PARP8: variants seen among roughly 807,000 people sequenced by gnomAD.
PARP8 encodes the protein protein mono-ADP-ribosyltransferase PARP8.
In PARP8, 51 loss-of-function variants were observed where a neutral mutation model predicts 124.1. The observed-to-expected ratio is 0.41, with a 90% confidence interval of 0.33 to 0.52. The LOEUF (loss-of-function observed/expected upper bound fraction) is 0.52. Among genes scored for constraint, PARP8 ranks in the 20% least tolerant of loss-of-function variants. The pLI is 0.21. For missense variants in PARP8, 860 were observed against 1,018.9 expected (o/e 0.84, Z 2.12); for synonymous variants, 391 against 361.5 (o/e 1.08, Z -0.93).
At chr5:50,758,944 G>A (rs1321286497) in intron 3 of PARP8, among the ~76,000 whole-genome samples, 11 of 152,150 alleles carry the variant, frequency 7.2e-5, no homozygotes. Context: ...AATGCATGTA[G>A]CTAATTTAAT....
chr5:50,768,867 G>A (rs987351759), intron 7 of PARP8, among the ~76,000 whole-genome samples: 11 of 152,064 alleles, frequency 7.2e-5, no homozygotes, highest in Admixed American at 2.6e-4. Context: ...TATAAAAAGG[G>A]CATCACAACG....
chr5:50,687,992 C>T (rs759180355), intron 2 of PARP8, among the ~76,000 whole-genome samples: 2 of 152,136 alleles, frequency 1.3e-5, no homozygotes, highest in Non-Finnish European at 2.9e-5. Context: ...GCTGGGACTA[C>T]AGATGTGTGC....
intron 17 of PARP8, 41 bp from the exon 18 acceptor site, chr5:50,824,867 A>T: frequency 6.5e-7 from 1 of 1,549,060 alleles, no homozygotes; most frequent in Non-Finnish European, 8.9e-7. Flanking sequence ...GGAAAAATGA[A>T]TTTTTATGAA....
chr5:50,843,783 A>G lies in PARP8; in HGVS notation c.*1715A>G, dbSNP rs1004994068. ...GCTACTTTTTTGCCAAGATGCTGCA[A>G]GTCTCCCAAATCACTTCAACTGTGT... On this transcript the variant is annotated 3_prime_UTR_variant, in exon 26 of 26. Transcript: ENST00000281631. The G allele has an allele frequency of 6.6e-6, 1 of 151,796 alleles. No individual in the cohort carries two copies. Among genetic ancestry groups the G allele is most frequent in the African/African-American group, 2.4e-5 (1 of 41,402 alleles). The allele number at this position is 151,796 out of a possible 1,614,324, so 9.4% of individuals were successfully genotyped here.
chr5:50,739,636 A>G (rs1469306735), intron 2 of PARP8, among the ~76,000 whole-genome samples: 1 of 150,552 alleles, frequency 6.6e-6, no homozygotes, highest in Non-Finnish European at 1.5e-5. Context: ...TCTCCTGGTT[A>G]TAAAATAATT....
intron 2 of PARP8, among the ~76,000 whole-genome samples, chr5:50,675,108 T>G (rs1236850222): frequency 1.3e-5 from 2 of 152,224 alleles, no homozygotes; most frequent in African/African-American, 4.8e-5. Context: ...AATATTAATT[T>G]TAGAGGGAGA....
At chr5:50,693,820 ACAAT>A (rs925593467) in intron 2 of PARP8, among the ~76,000 whole-genome samples, 11 of 151,464 alleles carry the variant, frequency 7.3e-5, no homozygotes, top group Non-Finnish European at 1.5e-4. Flanking sequence ...ATTAAATTAT[ACAAT>A]CAATTATTAA....
At chr5:50,784,177 G>A (rs942583605) in intron 9 of PARP8, among the ~76,000 whole-genome samples, 8 of 152,000 alleles carry the variant, frequency 5.3e-5, no homozygotes, top group Admixed American at 3.3e-4. Context: ...TTTTGAAAAG[G>A]ATTTCCTACA....
intron 3 of PARP8, among the ~76,000 whole-genome samples, chr5:50,753,286 A>G (rs1561329765): frequency 1.3e-5 from 2 of 152,188 alleles, no homozygotes; most frequent in South Asian, 2.1e-4. Flanking sequence ...TATCCCTAGT[A>G]GAGGAATGAA....
chr5:50,743,041 G>T (rs1758207914), intron 2 of PARP8, among the ~76,000 whole-genome samples: 3 of 152,164 alleles, frequency 2.0e-5, no homozygotes, highest in Non-Finnish European at 2.9e-5. Flanking sequence ...TTATAAAATT[G>T]TGGTTAGAAA....
In PARP8 at chr5:50,778,051, G is replaced by A. The variant is rs770385784; in HGVS notation, c.519-18G>A. 5 of 1,586,368 alleles carry A rather than the reference G, an allele frequency of 3.2e-6. No homozygotes were observed. In the East Asian group the frequency reaches 1.1e-4, roughly 36 times the overall value. On this transcript the variant is annotated intron_variant, in intron 7 of 25. Coordinates refer to ENST00000281631, the MANE Select transcript of PARP8 (RefSeq NM_024615.4). The stretch of plus-strand genomic sequence containing the variant: ...GCATCATTAAAATGAAAAAAACAGT[G>A]TTAATTTTTGCTTTCAGGGAATATG...
intron 1 of PARP8, chr5:50,667,554 C>G (rs928210056): frequency 2.0e-5 from 14 of 697,342 alleles, no homozygotes; most frequent in Non-Finnish European, 3.1e-5. Context: ...GCGCAATGGG[C>G]TGAGCGGCGG....
At chr5:50,799,800 T>TAATA (rs1298086169) in intron 14 of PARP8, among the ~76,000 whole-genome samples, 1 of 152,110 alleles carries the variant, frequency 6.6e-6, no homozygotes, top group Non-Finnish European at 1.5e-5. Context: ...AGTGCCTTTG[T>TAATA]AATAGAGCAC....
chr5:50,757,254 C>G (rs946823893), intron 3 of PARP8: 1 of 436,524 alleles, frequency 2.3e-6, no homozygotes, highest in South Asian at 1.6e-5. Context: ...AGAGACCTAT[C>G]AAGACTGAAT....
In PARP8 at chr5:50,817,532, C is replaced by T. The variant is rs1293630927; in HGVS notation, c.1668+2008C>T. On this transcript the variant is annotated intron_variant, in intron 15 of 25. Coordinates refer to ENST00000281631, the MANE Select transcript of PARP8 (RefSeq NM_024615.4). ...GGGCTGCAAAGACATTCCTCAGGAC[C>T]ATTGCAGGGGACTTGCCTGGAGCAA... is the stretch of plus-strand genomic sequence containing the variant. 5.9e-5 allele frequency among the ~76,000 whole-genome samples: 9 copies of T among 152,306 alleles called. No homozygotes were observed. The South Asian group carries it at 6.2e-4, about 11-fold the overall frequency.
chr5:50,736,619 G>A (rs1269022131), intron 2 of PARP8, among the ~76,000 whole-genome samples: 1 of 152,162 alleles, frequency 6.6e-6, no homozygotes, highest in African/African-American at 2.4e-5. Flanking sequence ...AACTTACTGA[G>A]ATACATATTC....
chr5:50,834,773 A>C, intron 24 of PARP8, 158 bp from the exon 25 acceptor site: 1 of 681,654 alleles, frequency 1.5e-6, no homozygotes, highest in Non-Finnish European at 2.6e-6. Flanking sequence ...GTTTTTATCT[A>C]TATTTCTTCA....
intron 7 of PARP8, among the ~76,000 whole-genome samples, chr5:50,767,775 A>G (rs1305810991): frequency 6.6e-6 from 1 of 152,100 alleles, no homozygotes; most frequent in Non-Finnish European, 1.5e-5. Context: ...CCCATTCACA[A>G]ACATCTCTCC....
chr5:50,713,073 T>C (rs1754940647), intron 2 of PARP8, among the ~76,000 whole-genome samples: 1 of 152,026 alleles, frequency 6.6e-6, no homozygotes, highest in South Asian at 2.1e-4. Flanking sequence ...TTTGCTGTGT[T>C]ATTAGGTTTA....
Sources: gnomAD v4.1 joint callset for allele counts (sites outside exome capture counted in the v4.1 genomes callset) on GRCh38, gnomAD v4.1.1 for gene constraint, MANE v1.5 for transcripts, NCBI Gene and HGNC (gene_info 2026-07-23, HGNC 2026-07-21) for gene names.